The following UNC5D variants were observed in gnomAD, a reference collection of about 807,000 sequenced individuals.
UNC5D encodes the protein unc-5 netrin receptor D.
A neutral mutation model predicts 105.4 loss-of-function variants in UNC5D; 39 were observed. The ratio of observed to expected loss-of-function variants is 0.37; its 90% CI spans 0.29 to 0.48. The LOEUF (loss-of-function observed/expected upper bound fraction) is 0.48. Among genes scored for constraint, UNC5D ranks in the 20% least tolerant of loss-of-function variants. The pLI, the probability that UNC5D is intolerant of heterozygous loss-of-function variation, is 0.98. For missense variants in UNC5D, 991 were observed against 1,202.4 expected (o/e 0.82, Z 2.60); for synonymous variants, 452 against 450.4 (o/e 1.00, Z -0.04).
chr8:35,724,252 C>T, intron 9 of UNC5D: 5 of 1,531,478 alleles, frequency 3.3e-6, no homozygotes, highest in Non-Finnish European at 4.4e-6. Flanking sequence ...TATTTTTAGC[C>T]AAGAATATCA....
At chr8:35,710,767 C>G (rs1827887938) in intron 8 of UNC5D, among the ~76,000 whole-genome samples, 1 of 152,074 alleles carries the variant, frequency 6.6e-6, no homozygotes, top group African/African-American at 2.4e-5. Flanking sequence ...AATGGTGTCC[C>G]AGAAGAAAAG....
rs928104078 is a variant in UNC5D, at chr8:35,795,337, T to C, written c.*4774T>C. The C allele has an allele frequency of 6.6e-6, 1 of 152,194 alleles. No individual in the cohort carries two copies. Among genetic ancestry groups the C allele is most frequent in the African/African-American group, 2.4e-5 (1 of 41,454 alleles). The allele number at this position is 152,194 out of a possible 1,614,324, so 9.4% of individuals were successfully genotyped here. A position where few individuals can be genotyped will look rare whatever the true frequency, so the allele number is the denominator to read the frequency against. ...AATGCCCCTTTGCCTCCAGTTTTGC[T>C]AACCCTAAAAAGTATTTCACTAATT... On this transcript the variant is annotated 3_prime_UTR_variant, in exon 17 of 17. Transcript: ENST00000404895.
At chr8:35,483,450 C>T (rs1810627682) in intron 1 of UNC5D, among the ~76,000 whole-genome samples, 1 of 152,124 alleles carries the variant, frequency 6.6e-6, no homozygotes, top group Non-Finnish European at 1.5e-5. Context: ...CAGTCATGTT[C>T]TGTATATTTC....
rs1586553695 is a variant in UNC5D, at chr8:35,733,376, G to T, written c.1766+2280G>T. Among the ~76,000 whole-genome samples, 3 of 152,332 alleles carry T rather than the reference G, an allele frequency of 2.0e-5. No individual in the cohort carries two copies. The South Asian group carries it at 6.2e-4, about 32-fold the overall frequency. On this transcript the variant is annotated intron_variant, in intron 11 of 16. Coordinates refer to ENST00000404895, the MANE Select transcript of UNC5D (RefSeq NM_080872.4). ...ATCTTGTGATCAGGAAAAGGCCAGT[G>T]TGTCACCTTTTCTTTGTAATATCAC...
chr8:35,595,931 T>A (rs1036705277), intron 4 of UNC5D, among the ~76,000 whole-genome samples: 11 of 152,188 alleles, frequency 7.2e-5, no homozygotes, highest in Non-Finnish European at 1.5e-4. Flanking sequence ...CCTTGAATCA[T>A]GCAGGTGTCA....
intron 11 of UNC5D, among the ~76,000 whole-genome samples, chr8:35,732,315 G>A (rs1829232932): frequency 6.6e-6 from 1 of 152,160 alleles, no homozygotes; most frequent in South Asian, 2.1e-4. Context: ...TTGGTTGTGA[G>A]GCTGGCTCTT....
chr8:35,657,045 AGTGTGTGTGTGTGTGTGT>A (rs3076999), intron 4 of UNC5D, among the ~76,000 whole-genome samples: 1 of 70,922 alleles, frequency 1.4e-5, no homozygotes. Flanking sequence ...AGTGCAGTGG[AGTGTGTGTGTGTGTGTGT>A]GTGTGTGTGT....
At chr8:35,437,060 G>C (rs962627297) in intron 1 of UNC5D, among the ~76,000 whole-genome samples, 1 of 151,040 alleles carries the variant, frequency 6.6e-6, no homozygotes, top group Non-Finnish European at 1.5e-5. Context: ...GGCTAGTCTC[G>C]AACCACTGGG....
chr8:35,585,403 C>T (rs1460742436), intron 3 of UNC5D, among the ~76,000 whole-genome samples: 3 of 152,036 alleles, frequency 2.0e-5, no homozygotes, highest in African/African-American at 4.8e-5. Context: ...GATTCAGTGG[C>T]GTCCGTCCAA....
intron 7 of UNC5D, among the ~76,000 whole-genome samples, chr8:35,690,902 A>G (rs1826346764): frequency 6.6e-6 from 1 of 152,212 alleles, no homozygotes; most frequent in Non-Finnish European, 1.5e-5. Flanking sequence ...TTGACACTCA[A>G]CATGACCCTA....
At chr8:35,762,896 T>C (rs1375613771) in intron 14 of UNC5D, among the ~76,000 whole-genome samples, 2 of 152,222 alleles carry the variant, frequency 1.3e-5, no homozygotes, top group African/African-American at 4.8e-5. Context: ...TGCTAAGATA[T>C]GATTTACATT....
intron 1 of UNC5D, among the ~76,000 whole-genome samples, chr8:35,309,955 T>C (rs1808747321): frequency 6.6e-6 from 1 of 152,230 alleles, no homozygotes; most frequent in Admixed American, 6.5e-5. Flanking sequence ...GTGATAGTTT[T>C]ACTGATAAGT....
At chr8:35,639,910 G>T (rs1440822956) in intron 4 of UNC5D, among the ~76,000 whole-genome samples, 2 of 151,356 alleles carry the variant, frequency 1.3e-5, no homozygotes. Flanking sequence ...ATTTTTTGTA[G>T]TGATGAGGTC....
intron 4 of UNC5D, among the ~76,000 whole-genome samples, chr8:35,682,406 T>C (rs1186883437): frequency 1.3e-5 from 2 of 152,242 alleles, no homozygotes; most frequent in Non-Finnish European, 2.9e-5. Flanking sequence ...TGTATGCTCC[T>C]GTGTGACTTC....
Position 35,794,864 on chromosome 8 carries a change from G to A in UNC5D, c.*4301G>A, listed in dbSNP as rs924511312. On this transcript the variant is annotated 3_prime_UTR_variant, in exon 17 of 17. Coordinates refer to ENST00000404895, the MANE Select transcript of UNC5D (RefSeq NM_080872.4). ...GGCAACTTGTACACTGTAATTCTTC[G>A]AAAAGTAACAGGGGATGGAAATCAG... 2.6e-5 allele frequency: 4 copies of A among 152,148 alleles called. No individual in the cohort carries two copies. Among genetic ancestry groups the A allele is most frequent in the Non-Finnish European group, 4.4e-5 (3 of 68,032 alleles). The allele number at this position is 152,148 out of a possible 1,614,324, so 9.4% of individuals were successfully genotyped here. A position where few individuals can be genotyped will look rare whatever the true frequency, so the allele number is the denominator to read the frequency against.
At chr8:35,267,497 G>A (rs1374748439) in intron 1 of UNC5D, among the ~76,000 whole-genome samples, 1 of 152,108 alleles carries the variant, frequency 6.6e-6, no homozygotes, top group Non-Finnish European at 1.5e-5. Context: ...GGGGTGCAAT[G>A]GTGCGATCTC....
intron 1 of UNC5D, among the ~76,000 whole-genome samples, chr8:35,376,403 C>T (rs1305856254): frequency 6.6e-6 from 1 of 151,918 alleles, no homozygotes; most frequent in Non-Finnish European, 1.5e-5. Context: ...CTGAAAAGTC[C>T]CATGTGGTGA....
chr8:35,446,831 T>C (rs1307831284), intron 1 of UNC5D, among the ~76,000 whole-genome samples: 5 of 152,128 alleles, frequency 3.3e-5, no homozygotes, highest in Non-Finnish European at 7.4e-5. Flanking sequence ...GGATTACTCC[T>C]TCCCTAACAG....
chr8:35,431,599 A>G lies in UNC5D; in HGVS notation c.104-117693A>G, dbSNP rs923932667. Among the ~76,000 whole-genome samples the G allele has an allele frequency of 6.0e-4, 91 of 152,252 alleles. 1 individual carries two copies. The highest frequency in any genetic ancestry group is 4.0e-3 in the Admixed American group (61 of 15,294). ...AAAGTATAAAAACTCTGCAACTACA[A>G]TAGGTTATTTATGGAGAAGAGCTTG... On this transcript the variant is annotated intron_variant, in intron 1 of 16. Coordinates refer to ENST00000404895, the MANE Select transcript of UNC5D (RefSeq NM_080872.4).
Sources: gnomAD v4.1 joint callset for allele counts (sites outside exome capture counted in the v4.1 genomes callset) on GRCh38, gnomAD v4.1.1 for gene constraint, MANE v1.5 for transcripts, NCBI Gene and HGNC (gene_info 2026-07-23, HGNC 2026-07-21) for gene names.